GABRA1: variants seen among roughly 807,000 people sequenced by gnomAD.
The protein encoded by GABRA1 is gamma-aminobutyric acid receptor subunit alpha-1.
A neutral mutation model predicts 48.9 loss-of-function variants in GABRA1; 9 were observed. The observed-to-expected ratio is 0.18, with a 90% CI of 0.11 to 0.32. The LOEUF is 0.32. Ranked by LOEUF, GABRA1 falls within the 10% of genes least tolerant of loss-of-function variation. The probability of loss-of-function intolerance (pLI) is 1.00; values close to 1 mark genes in which losing one functional copy is unlikely to be tolerated. For synonymous variants in GABRA1, 210 were observed against 198.7 expected, an observed-to-expected ratio of 1.06 and a Z score of -0.48; for missense variants, 285 against 553.8, an observed-to-expected ratio of 0.51 and a Z score of 4.87.
Position 161,888,436 on chromosome 5 carries a change from T to A in GABRA1, c.704-2462T>A, listed in dbSNP as rs113342954. ...GAAAATCTGTTAGGGAAAAAGTTGT[T>A]TATAAAACAAATATAATGTCAAATA... is the stretch of plus-strand genomic sequence containing the variant. On this transcript the variant is annotated intron_variant, in intron 7 of 9. Coordinates refer to ENST00000393943, the MANE Select transcript of GABRA1 (RefSeq NM_001127644.2). Among the ~76,000 whole-genome samples the A allele has an allele frequency of 3.6e-3, 554 of 152,250 alleles. 6 individuals carry two copies. The highest frequency in any genetic ancestry group is 0.013 in the African/African-American group (520 of 41,580).
At chr5:161,872,879 A>G (rs1156631520) in intron 4 of GABRA1, among the ~76,000 whole-genome samples, 6 of 151,994 alleles carry the variant, frequency 3.9e-5, no homozygotes, top group Non-Finnish European at 4.4e-5. Flanking sequence ...AATTGGAAAA[A>G]TTTTTCTGAC....
Position 161,858,262 on chromosome 5 carries a change from C to G in GABRA1, c.187+3992C>G, listed in dbSNP as rs185374879. On this transcript the variant is annotated intron_variant, in intron 3 of 9. Coordinates refer to ENST00000393943, the MANE Select transcript of GABRA1 (RefSeq NM_001127644.2). The stretch of plus-strand genomic sequence containing the variant: ...AATAAATGAAGGAAGCCTGGATGTT[C>G]TCCAGCTTCCTAAAAAATTAAATAA... Among the ~76,000 whole-genome samples, 1,070 of 151,662 alleles carry G rather than the reference C, an allele frequency of 7.1e-3. 15 individuals are homozygous for G. The highest frequency in any genetic ancestry group is 0.024 in the African/African-American group (1,015 of 41,452).
rs780581747 is a variant in GABRA1, at chr5:161,873,353, C to T, written c.476+16C>T. ...ACACCATGAGGTAAGGATGGCTGCA[C>T]TGCCATTCATGAATGTTTCTGTACT... On this transcript the variant is annotated intron_variant, in intron 5 of 9. Transcript: ENST00000393943. 5.3e-5 allele frequency: 83 copies of T among 1,580,550 alleles called. No individual in the cohort carries two copies. The highest frequency in any genetic ancestry group is 6.6e-5 in the Non-Finnish European group (76 of 1,149,952).
At chr5:161,862,599 G>A (rs940439670) in intron 3 of GABRA1, among the ~76,000 whole-genome samples, 1 of 151,616 alleles carries the variant, frequency 6.6e-6, no homozygotes, top group Admixed American at 6.6e-5. Flanking sequence ...TCCCCTAATC[G>A]ACCTAAAATA....
chr5:161,886,656 G>A (rs1436126220), intron 7 of GABRA1, among the ~76,000 whole-genome samples: 4 of 151,970 alleles, frequency 2.6e-5, no homozygotes, highest in East Asian at 1.9e-4. Flanking sequence ...CATGTTTGTA[G>A]TCCCAGCCAC....
Position 161,863,154 on chromosome 5 carries a change from T to G in GABRA1, c.188-2567T>G, listed in dbSNP as rs550316510. On this transcript the variant is annotated intron_variant, in intron 3 of 9. Coordinates refer to ENST00000393943, the MANE Select transcript of GABRA1 (RefSeq NM_001127644.2). ...GTTAGGGGATGTAATATATAGTATT[T>G]GTGTATATATATATATACACATATA... Among the ~76,000 whole-genome samples, 4 of 152,090 alleles carry G rather than the reference T, an allele frequency of 2.6e-5. No individual in the cohort carries two copies. The East Asian group carries it at 7.8e-4, about 29-fold the overall frequency.
chr5:161,865,440 T>G (rs554553842), intron 3 of GABRA1, among the ~76,000 whole-genome samples: 1 of 152,126 alleles, frequency 6.6e-6, no homozygotes, highest in African/African-American at 2.4e-5. Context: ...TAGTATCATT[T>G]AGGCAAGTAT....
intron 1 of GABRA1, chr5:161,848,745 G>A (rs1418277973): frequency 1.4e-5 from 4 of 281,032 alleles, no homozygotes; most frequent in African/African-American, 4.7e-5. Context: ...ATTCCGCAGG[G>A]TGGGTGGTGG....
chr5:161,897,974 C>T lies in GABRA1; in HGVS notation c.*552C>T, dbSNP rs1224010935. On this transcript the variant is annotated 3_prime_UTR_variant, in exon 10 of 10. Transcript: ENST00000393943. ...ATTTTGTTTCCAAAGCTGAAGATCC[C>T]CATTCTTTCTCTTTGAAAAAAAAAA... The T allele has an allele frequency of 6.6e-6, 1 of 151,194 alleles. No homozygotes were observed. The highest frequency in any genetic ancestry group is 2.4e-5 in the African/African-American group (1 of 41,134). The allele number at this position is 151,194 out of a possible 1,614,324, so 9.4% of individuals were successfully genotyped here.
chr5:161,887,044 G>C (rs1754879817), intron 7 of GABRA1, among the ~76,000 whole-genome samples: 1 of 152,228 alleles, frequency 6.6e-6, no homozygotes, highest in African/African-American at 2.4e-5. Context: ...AACAATATCA[G>C]TGTCCAGAAA....
chr5:161,862,956 A>T (rs1341472516), intron 3 of GABRA1, among the ~76,000 whole-genome samples: 1 of 151,928 alleles, frequency 6.6e-6, no homozygotes, highest in Non-Finnish European at 1.5e-5. Context: ...TTAGATGCTT[A>T]ATCTATTGTG....
intron 3 of GABRA1, among the ~76,000 whole-genome samples, chr5:161,857,621 A>G (rs1318714583): frequency 6.6e-6 from 1 of 151,674 alleles, no homozygotes; most frequent in Non-Finnish European, 1.5e-5. Context: ...GGAGAGCTAC[A>G]AAGGATTAGA....
At chr5:161,889,116 G>A (rs1754977134) in intron 7 of GABRA1, among the ~76,000 whole-genome samples, 1 of 151,996 alleles carries the variant, frequency 6.6e-6, no homozygotes, top group South Asian at 2.1e-4. Flanking sequence ...TAAAGGGCAG[G>A]TGCTATTATC....
chr5:161,880,816 C>T (rs892313210), intron 6 of GABRA1, among the ~76,000 whole-genome samples: 2 of 152,040 alleles, frequency 1.3e-5, no homozygotes, highest in African/African-American at 4.8e-5. Flanking sequence ...GCCTTATTTT[C>T]ATGTAAAAAA....
chr5:161,854,947 G>A (rs2113310226), intron 3 of GABRA1, among the ~76,000 whole-genome samples: 1 of 151,534 alleles, frequency 6.6e-6, no homozygotes, highest in African/African-American at 2.4e-5. Flanking sequence ...AATAACACTT[G>A]AATAAGATAA....
chr5:161,849,095 T>A (rs1757338823), intron 1 of GABRA1: 2 of 404,138 alleles, frequency 4.9e-6, no homozygotes, highest in Non-Finnish European at 4.9e-6. Flanking sequence ...GTGGTAAGAC[T>A]GCAGCTTAGC....
intron 2 of GABRA1, among the ~76,000 whole-genome samples, chr5:161,853,325 T>C (rs1757524785): frequency 1.3e-5 from 2 of 151,874 alleles, no homozygotes; most frequent in South Asian, 4.1e-4. Context: ...AACGTTTAAA[T>C]ATAAATAATT....
chr5:161,859,739 A>G (rs1246453750), intron 3 of GABRA1, among the ~76,000 whole-genome samples: 4 of 151,820 alleles, frequency 2.6e-5, no homozygotes, highest in Non-Finnish European at 4.4e-5. Context: ...TTGTATTTAT[A>G]TTAAGAAAAC....
intron 3 of GABRA1, among the ~76,000 whole-genome samples, 173 bp downstream of exon 3, chr5:161,854,443 T>C (rs1011641043): frequency 6.6e-6 from 1 of 151,760 alleles, no homozygotes; most frequent in Non-Finnish European, 1.5e-5. Flanking sequence ...TAGTTTCATA[T>C]CCATACGTAG....
Sources: gnomAD v4.1 joint callset for allele counts (sites outside exome capture counted in the v4.1 genomes callset) on GRCh38, gnomAD v4.1.1 for gene constraint, MANE v1.5 for transcripts, NCBI Gene and HGNC (gene_info 2026-07-23, HGNC 2026-07-21) for gene names.